The following OR9Q1 variants were observed in gnomAD, a reference collection of about 807,000 sequenced individuals.
OR9Q1 encodes olfactory receptor family 9 subfamily Q member 1, also known as olfactory receptor 9Q1.
For missense variants in OR9Q1, 374 were observed against 378.8 expected (o/e 0.99, Z 0.11); for synonymous variants, 153 against 148.6 (o/e 1.03, Z -0.22).
At chr11:58,053,041 C>T (rs1052700421) in intron 1 of OR9Q1, among the ~76,000 whole-genome samples, 332 of 151,566 alleles carry the variant, frequency 2.2e-3, no homozygotes, top group African/African-American at 7.7e-3. Context: ...GTCAGTGTGG[C>T]GATTCCTCAG....
intron 1 of OR9Q1, among the ~76,000 whole-genome samples, chr11:58,034,805 C>CCTTCCTTCCTTCCTTCCTTCCTTA (rs1853083655): frequency 7.6e-6 from 1 of 131,586 alleles, no homozygotes; most frequent in Admixed American, 7.9e-5. Context: ...TTCCTTCCTT[C>CCTTCCTTCCTTCCTTCCTTCCTTA]CTTCCTTCCT....
intron 2 of OR9Q1, among the ~76,000 whole-genome samples, chr11:58,079,336 G>C (rs998552530): frequency 9.9e-5 from 15 of 151,984 alleles, no homozygotes; most frequent in Admixed American, 2.6e-4. Context: ...GTTATGGAAT[G>C]GCTTGAGGAG....
At chr11:58,078,388 G>T (rs1166500052) in intron 2 of OR9Q1, 1 of 152,226 alleles carries the variant, frequency 6.6e-6, no homozygotes, top group Non-Finnish European at 1.5e-5. Flanking sequence ...AGGATCTGAG[G>T]CATGATGACT....
chr11:58,181,148 C>T lies in OR9Q1; in HGVS notation c.*771C>T, dbSNP rs1249476420. On this transcript the variant is annotated 3_prime_UTR_variant, in exon 3 of 3. Coordinates refer to ENST00000335397, the MANE Select transcript of OR9Q1 (RefSeq NM_001005212.4). Reference sequence around the variant, plus strand: ...GGATATATGCCCTGTTCTTTTTCTTCCTACCTATTACAGTTCTCTCTCGTC... The same window carrying T: ...GGATATATGCCCTGTTCTTTTTCTTTCTACCTATTACAGTTCTCTCTCGTC... The T allele has an allele frequency of 6.0e-6, 1 of 167,002 alleles. No individual in the cohort carries two copies. Among genetic ancestry groups the T allele is most frequent in the Non-Finnish European group, 1.5e-5 (1 of 68,096 alleles). 10.3% of individuals were successfully genotyped at this position (167,002 alleles called of 1,614,324 possible).
chr11:58,179,012 AAGAGAG>A (rs71061582), intron 2 of OR9Q1, among the ~76,000 whole-genome samples: 17 of 132,474 alleles, frequency 1.3e-4, no homozygotes, highest in East Asian at 4.5e-4. Flanking sequence ...GAAAGAAAGA[AAGAGAG>A]AGAGAGAGAG....
chr11:58,154,071 G>A (rs996637391), intron 2 of OR9Q1, among the ~76,000 whole-genome samples: 67 of 151,592 alleles, frequency 4.4e-4, no homozygotes, highest in African/African-American at 1.6e-3. Flanking sequence ...GAGAGGGAGA[G>A]AGCGAGAGAA....
chr11:58,135,898 T>C (rs1186113481), intron 2 of OR9Q1, among the ~76,000 whole-genome samples: 1 of 152,206 alleles, frequency 6.6e-6, no homozygotes, highest in Non-Finnish European at 1.5e-5. Flanking sequence ...GTGAACACTT[T>C]TCACTTTTAG....
chr11:58,151,086 T>A (rs576616166), intron 2 of OR9Q1, among the ~76,000 whole-genome samples: 1 of 152,346 alleles, frequency 6.6e-6, no homozygotes, highest in African/African-American at 2.4e-5. Context: ...CATTTTTGTA[T>A]GGGTATGCCA....
intron 2 of OR9Q1, among the ~76,000 whole-genome samples, chr11:58,104,769 T>G (rs1853824173): frequency 6.6e-6 from 1 of 152,172 alleles, no homozygotes; most frequent in African/African-American, 2.4e-5. Context: ...TTTTTTATCC[T>G]CTGCTCTGGT....
intron 2 of OR9Q1, among the ~76,000 whole-genome samples, chr11:58,095,247 T>C (rs1160140943): frequency 6.6e-6 from 1 of 152,246 alleles, no homozygotes; most frequent in Non-Finnish European, 1.5e-5. Context: ...GTCAGCTTTG[T>C]GCATCTTCCA....
rs544243333 is a variant in OR9Q1 at position 58,129,120 on chromosome 11, G to A, written c.-14-50311G>A. On this transcript the variant is annotated intron_variant, in intron 2 of 2. Coordinates refer to ENST00000335397, the MANE Select transcript of OR9Q1 (RefSeq NM_001005212.4). The stretch of plus-strand genomic sequence containing the variant: ...ATATCTCTTACAGGTTTGCTTATCA[G>A]AGTATCTCAGGAACCCAGGTGGATC... 8.5e-5 allele frequency among the ~76,000 whole-genome samples: 13 copies of A among 152,204 alleles called. 1 individual carries two copies. The highest frequency in any genetic ancestry group is 3.4e-3 in the Middle Eastern group (1 of 294).
At position 58,120,803 on chromosome 11, in the gene OR9Q1, CATATAT is replaced by C. The variant is rs61634454; in HGVS notation, c.-14-58608_-14-58603del. On this transcript the variant is annotated intron_variant, in intron 2 of 2. Transcript: ENST00000335397. ...TATATTTGTATCTTTATTTCAATACCATATATATATATATATATATATATACATATA... is the reference window on the plus strand; with the variant it reads ...TATATTTGTATCTTTATTTCAATACCATATATATATATATATATACATATA... 1.1e-3 allele frequency among the ~76,000 whole-genome samples: 147 copies of C among 132,640 alleles called. 2 individuals are homozygous for C. The Middle Eastern group carries it at 0.015, about 14-fold the overall frequency. 87.0% of individuals were successfully genotyped at this position (132,640 alleles called of 152,430 possible). A position where few individuals can be genotyped will look rare whatever the true frequency, so the allele number is the denominator to read the frequency against.
chr11:58,053,563 C>T (rs1853290466), intron 1 of OR9Q1, among the ~76,000 whole-genome samples: 1 of 119,544 alleles, frequency 8.4e-6, no homozygotes, highest in African/African-American at 2.8e-5. Flanking sequence ...CTAACCTGCA[C>T]ATTGTGCACA....
intron 1 of OR9Q1, among the ~76,000 whole-genome samples, chr11:58,024,539 G>T (rs1216765899): frequency 6.6e-6 from 1 of 152,152 alleles, no homozygotes; most frequent in Non-Finnish European, 1.5e-5. Flanking sequence ...CAATTTTCGT[G>T]CATGGGCCTC....
At chr11:58,139,669 A>G (rs1400171457) in intron 2 of OR9Q1, among the ~76,000 whole-genome samples, 1 of 151,940 alleles carries the variant, frequency 6.6e-6, no homozygotes, top group Admixed American at 6.6e-5. Flanking sequence ...ACATTTTCTT[A>G]ATCCAGTCTA....
chr11:58,112,065 A>C (rs541762081), intron 2 of OR9Q1, among the ~76,000 whole-genome samples: 1 of 152,202 alleles, frequency 6.6e-6, no homozygotes, highest in East Asian at 1.9e-4. Context: ...AGGCAGGTGG[A>C]TCACCTGAGG....
At chr11:58,108,117 AG>A (rs2120101944) in intron 2 of OR9Q1, among the ~76,000 whole-genome samples, 1 of 152,314 alleles carries the variant, frequency 6.6e-6, no homozygotes, top group East Asian at 1.9e-4. Context: ...GAAACCATTT[AG>A]GAAGACATTA....
Position 58,089,062 on chromosome 11 carries a change from G to A in OR9Q1, c.-15+33115G>A, listed in dbSNP as rs374104039. 4.0e-5 allele frequency among the ~76,000 whole-genome samples: 6 copies of A among 151,634 alleles called. No homozygotes were observed. In the East Asian group the frequency reaches 5.8e-4, roughly 15 times the overall value. ...CAGCTAATTTTTTTTATTTTTAGTA[G>A]AGATGGGGTTTCATCATGTTGGCCA... On this transcript the variant is annotated intron_variant, in intron 2 of 2. Coordinates refer to ENST00000335397, the MANE Select transcript of OR9Q1 (RefSeq NM_001005212.4).
At position 58,139,277 on chromosome 11, in the gene OR9Q1, G is replaced by A. The variant is rs1854219448; in HGVS notation, c.-14-40154G>A. ...TTATTTTAAGTTCAGGTGTTCATGT[G>A]CAGCTGTTTTTTTTTTTTATTATAC... On this transcript the variant is annotated intron_variant, in intron 2 of 2. Coordinates refer to ENST00000335397, the MANE Select transcript of OR9Q1 (RefSeq NM_001005212.4). Among the ~76,000 whole-genome samples, 4 of 105,614 alleles carry A rather than the reference G, an allele frequency of 3.8e-5. No homozygotes were observed. The Admixed American group carries it at 4.8e-4, about 13-fold the overall frequency. 69.3% of individuals were successfully genotyped at this position (105,614 alleles called of 152,430 possible). A position where few individuals can be genotyped will look rare whatever the true frequency, so the allele number is the denominator to read the frequency against.
Sources: gnomAD v4.1 joint callset for allele counts (sites outside exome capture counted in the v4.1 genomes callset) on GRCh38, gnomAD v4.1.1 for gene constraint, MANE v1.5 for transcripts, NCBI Gene and HGNC (gene_info 2026-07-23, HGNC 2026-07-21) for gene names.